Variants in SOX6 observed in about 807,000 individuals in gnomAD.
The protein encoded by SOX6 is SRY-box transcription factor 6.
A neutral mutation model predicts 97.8 loss-of-function variants in SOX6; 11 were observed. The observed-to-expected ratio is 0.11, with a 90% CI of 0.07 to 0.19. SOX6 has a LOEUF of 0.19. Among genes scored for constraint, SOX6 ranks in the 10% least tolerant of loss-of-function variants. The pLI, the probability that SOX6 is intolerant of heterozygous loss-of-function variation, is 1.00. For synonymous variants in SOX6, 360 were observed against 371.4 expected (o/e 0.97, Z 0.35); for missense variants, 810 against 1,039.5 (o/e 0.78, Z 3.04).
At chr11:16,576,110 G>A (rs1464033932) in intron 4 of SOX6, among the ~76,000 whole-genome samples, 13 of 296 alleles carry the variant, frequency 0.044, 5 homozygotes, top group African/African-American at 0.045. Context: ...TCAGGAGATC[G>A]AGACCATCCC....
intron 6 of SOX6, among the ~76,000 whole-genome samples, chr11:16,148,491 T>C (rs1823611780): frequency 6.6e-6 from 1 of 152,074 alleles, no homozygotes; most frequent in Non-Finnish European, 1.5e-5. Context: ...CAAGAATAAT[T>C]ATGAAAAAAC....
intron 3 of SOX6, among the ~76,000 whole-genome samples, chr11:16,712,422 A>G (rs533749402): frequency 6.6e-6 from 1 of 150,606 alleles, no homozygotes; most frequent in East Asian, 1.9e-4. Context: ...TTTTTTTTTT[A>G]TTTTTTAATT....
At chr11:16,552,404 C>T (rs1290542369) in intron 4 of SOX6, among the ~76,000 whole-genome samples, 1 of 152,192 alleles carries the variant, frequency 6.6e-6, no homozygotes, top group Non-Finnish European at 1.5e-5. Context: ...CATTTCCCCC[C>T]TCCCAAATAA....
chr11:16,584,460 C>T (rs1565186670), intron 4 of SOX6, among the ~76,000 whole-genome samples: 1 of 152,188 alleles, frequency 6.6e-6, no homozygotes. Flanking sequence ...GACTTTACAG[C>T]TGCCCACTCA....
intron 6 of SOX6, among the ~76,000 whole-genome samples, chr11:16,162,857 C>A (rs1050946022): frequency 6.6e-6 from 1 of 150,874 alleles, no homozygotes; most frequent in Non-Finnish European, 1.5e-5. Flanking sequence ...GTGGTTGTGA[C>A]CAATTAGAAG....
At chr11:16,426,453 A>T (rs1343262344) in intron 1 of SOX6, among the ~76,000 whole-genome samples, 1 of 152,068 alleles carries the variant, frequency 6.6e-6, no homozygotes, top group Non-Finnish European at 1.5e-5. Context: ...TGGCACAAAA[A>T]CAGACACATA....
Position 15,969,071 on chromosome 11 carries a change from C to A in SOX6, c.*3738G>T, listed in dbSNP as rs942483092. 7.3e-6 allele frequency: 1 copy of A among 137,868 alleles called. No individual in the cohort carries two copies. The highest frequency in any genetic ancestry group is 2.3e-4 in the East Asian group (1 of 4,280). The allele number at this position is 137,868 out of a possible 1,614,324, so 8.5% of individuals were successfully genotyped here. A position where few individuals can be genotyped will look rare whatever the true frequency, so the allele number is the denominator to read the frequency against. ...CTCCTTTTCCTTCCATTCCATATGG[C>A]TATTTTTTTTTTTTTTTTTTTTTGG... is the stretch of plus-strand genomic sequence containing the variant. On this transcript the variant is annotated 3_prime_UTR_variant, in exon 16 of 16. Coordinates refer to ENST00000683767, the MANE Select transcript of SOX6 (RefSeq NM_001367873.1).
chr11:16,472,040 C>G (rs1860149571), intron 1 of SOX6, among the ~76,000 whole-genome samples: 1 of 152,114 alleles, frequency 6.6e-6, no homozygotes, highest in African/African-American at 2.4e-5. Flanking sequence ...CTAATTTTAG[C>G]CTTTCCCTTT....
At chr11:16,101,223 T>C (rs962905011) in intron 7 of SOX6, among the ~76,000 whole-genome samples, 22 of 151,668 alleles carry the variant, frequency 1.5e-4, no homozygotes, top group Admixed American at 1.2e-3. Flanking sequence ...AATATTACAA[T>C]TCCTCTACAC....
At position 16,057,916 on chromosome 11, in the gene SOX6, A is replaced by G. The variant is rs528140130; in HGVS notation, c.1102-2015T>C. Among the ~76,000 whole-genome samples the G allele has an allele frequency of 1.4e-4, 22 of 152,220 alleles. No homozygotes were observed. The South Asian group carries it at 4.6e-3, about 32-fold the overall frequency. On this transcript the variant is annotated intron_variant, in intron 9 of 15. Transcript: ENST00000683767. ...GTAATCTATTTCCTTCTCTAAAAGC[A>G]TCAGGATCTTCCCTTTCCACTGAAT...
chr11:16,484,231 C>T, intron 4 of SOX6: 3 of 881,384 alleles, frequency 3.4e-6, no homozygotes, highest in South Asian at 1.3e-5. Flanking sequence ...CATCCACCAG[C>T]TCCTCCATGG....
At chr11:16,003,796 A>G (rs572982740) in intron 13 of SOX6, among the ~76,000 whole-genome samples, 1 of 152,084 alleles carries the variant, frequency 6.6e-6, no homozygotes, top group African/African-American at 2.4e-5. Flanking sequence ...AATAATTTTG[A>G]TGTGGAAAAT....
At chr11:16,404,321 C>T (rs1023576391) in intron 1 of SOX6, among the ~76,000 whole-genome samples, 14 of 151,990 alleles carry the variant, frequency 9.2e-5, no homozygotes, top group African/African-American at 3.4e-4. Context: ...CACACTTTCT[C>T]TTTTCATTAC....
intron 4 of SOX6, among the ~76,000 whole-genome samples, chr11:16,501,614 GA>G (rs1386172307): frequency 6.6e-6 from 1 of 151,610 alleles, no homozygotes; most frequent in East Asian, 1.9e-4. Context: ...AAATTTACAA[GA>G]AAAAAACAAA....
intron 3 of SOX6, among the ~76,000 whole-genome samples, chr11:16,707,026 C>T (rs778245464): frequency 3.3e-4 from 50 of 152,124 alleles, no homozygotes; most frequent in African/African-American, 1.1e-3. Flanking sequence ...TTTAAATAAG[C>T]GAAATCATTC....
chr11:16,407,997 G>A (rs1428856997), intron 1 of SOX6, among the ~76,000 whole-genome samples: 1 of 152,014 alleles, frequency 6.6e-6, no homozygotes, highest in Admixed American at 6.6e-5. Flanking sequence ...CCTGAGTGAT[G>A]GTTTGCCTTT....
chr11:16,243,847 T>C (rs1853263183), intron 3 of SOX6, among the ~76,000 whole-genome samples: 1 of 152,020 alleles, frequency 6.6e-6, no homozygotes, highest in Admixed American at 6.6e-5. Flanking sequence ...CATGAATTAG[T>C]AGTCTGGTCC....
intron 15 of SOX6, among the ~76,000 whole-genome samples, chr11:15,979,431 G>A (rs555618289): frequency 7.2e-5 from 11 of 152,084 alleles, no homozygotes; most frequent in African/African-American, 2.4e-4. Context: ...TCTCAACATA[G>A]CATATAGAGT....
intron 9 of SOX6, among the ~76,000 whole-genome samples, chr11:16,058,585 C>T (rs958978558): frequency 6.6e-6 from 1 of 152,014 alleles, no homozygotes; most frequent in Non-Finnish European, 1.5e-5. Context: ...ATCTACAGGT[C>T]ATTTATCTTA....
Sources: gnomAD v4.1 joint callset for allele counts (sites outside exome capture counted in the v4.1 genomes callset) on GRCh38, gnomAD v4.1.1 for gene constraint, MANE v1.5 for transcripts, NCBI Gene and HGNC (gene_info 2026-07-23, HGNC 2026-07-21) for gene names.